Variants in DYNC2H1 observed in about 807,000 individuals in gnomAD.
DYNC2H1 encodes the protein cytoplasmic dynein 2 heavy chain 1.
A neutral mutation model predicts 570.0 loss-of-function variants in DYNC2H1; 410 were observed. The ratio of observed to expected loss-of-function variants is 0.72; its 90% CI spans 0.66 to 0.78. DYNC2H1 has a LOEUF of 0.78. Ranked by LOEUF, DYNC2H1 falls within the 30% of genes least tolerant of loss-of-function variation. DYNC2H1 has a pLI of 0.00. For missense variants in DYNC2H1, 4,865 were observed against 5,046.4 expected (o/e 0.96, Z 1.09); for synonymous variants, 1,688 against 1,677.6 (o/e 1.01, Z -0.15).
chr11:103,407,690 CGAT>C (rs1012585075), intron 84 of DYNC2H1: 2 of 151,752 alleles, frequency 1.3e-5, no homozygotes, highest in Non-Finnish European at 2.9e-5. Context: ...GCATTTATTA[CGAT>C]AATATTCATA....
At chr11:103,134,258 C>T (rs977633283) in intron 14 of DYNC2H1, 63 bp from the exon 15 acceptor site, 2 of 1,450,502 alleles carry the variant, frequency 1.4e-6, no homozygotes, top group Admixed American at 1.7e-5. Context: ...TCAGGTTTCT[C>T]CACTGAAAAG....
chr11:103,316,496 T>G, intron 79 of DYNC2H1, 49 bp from the exon 80 acceptor site: 3 of 1,298,994 alleles, frequency 2.3e-6, no homozygotes, highest in Non-Finnish European at 3.2e-6. Context: ...TACATATATA[T>G]CTTTGACTAC....
rs544984483 is a variant in DYNC2H1 at position 103,241,274 on chromosome 11, T to G, written c.9820-2419T>G. 1.6e-4 allele frequency among the ~76,000 whole-genome samples: 24 copies of G among 152,308 alleles called. No homozygotes were observed. The highest frequency in any genetic ancestry group is 5.1e-4 in the African/African-American group (21 of 41,572). ...TAGTTGTTATCCAACATATAGTAGA[T>G]GAAGTAACGAACAAATGAGTAAATA... On this transcript the variant is annotated intron_variant, in intron 63 of 88. Coordinates refer to ENST00000375735, the MANE Select transcript of DYNC2H1 (RefSeq NM_001377.3). The surrounding 1 kb of genome is among the most constrained non-coding windows in gnomAD (Gnocchi z 5.1).
chr11:103,197,502 C>T (rs1047292828), intron 47 of DYNC2H1, among the ~76,000 whole-genome samples: 2 of 152,094 alleles, frequency 1.3e-5, no homozygotes, highest in Non-Finnish European at 2.9e-5. Context: ...GGCTGGAGTG[C>T]GGTGGTGCAA....
intron 21 of DYNC2H1, 134 bp downstream of exon 21, chr11:103,152,419 T>G (rs1860607048): frequency 1.3e-6 from 1 of 761,328 alleles, no homozygotes; most frequent in Non-Finnish European, 2.0e-6. Context: ...CCCTGACTAC[T>G]TTTATAGTGA....
intron 47 of DYNC2H1, among the ~76,000 whole-genome samples, chr11:103,197,615 T>C (rs1297611981): frequency 6.6e-6 from 1 of 152,088 alleles, no homozygotes; most frequent in Non-Finnish European, 1.5e-5. Flanking sequence ...ACCTGGCTAA[T>C]TTTTAAATTT....
At chr11:103,284,275 T>C (rs529391686) in intron 73 of DYNC2H1, among the ~76,000 whole-genome samples, 40 of 152,344 alleles carry the variant, frequency 2.6e-4, no homozygotes, top group African/African-American at 9.1e-4. Flanking sequence ...CTATGCTATA[T>C]TCAAAATTGA....
Position 103,241,431 on chromosome 11 carries a change from C to G in DYNC2H1, c.9820-2262C>G. 1 of 1,114,808 alleles carries G rather than the reference C, an allele frequency of 9.0e-7. No homozygotes were observed. The highest frequency in any genetic ancestry group is 1.3e-6 in the Non-Finnish European group (1 of 763,732). 69.1% of individuals were successfully genotyped at this position (1,114,808 alleles called of 1,614,324 possible). A position where few individuals can be genotyped will look rare whatever the true frequency, so the allele number is the denominator to read the frequency against. ...CTGGAGACGTAAAATAAGATGACAA[C>G]AAACTTTTAAGTACCCTTTGAAAAA... On this transcript the variant is annotated intron_variant, in intron 63 of 88. Coordinates refer to ENST00000375735, the MANE Select transcript of DYNC2H1 (RefSeq NM_001377.3). The surrounding 1 kb of genome is among the most constrained non-coding windows in gnomAD (Gnocchi z 5.1).
intron 69 of DYNC2H1, among the ~76,000 whole-genome samples, chr11:103,258,638 G>A (rs1479959383): frequency 6.6e-6 from 1 of 152,178 alleles, no homozygotes; most frequent in Non-Finnish European, 1.5e-5. Flanking sequence ...CTTTTTCACA[G>A]CACTGAGTAG....
intron 70 of DYNC2H1, among the ~76,000 whole-genome samples, chr11:103,271,479 T>C (rs1865707419): frequency 6.6e-6 from 1 of 152,216 alleles, no homozygotes; most frequent in Non-Finnish European, 1.5e-5. Flanking sequence ...TTTATACTTT[T>C]CATTGAACAT....
chr11:103,151,992 T>C lies in DYNC2H1; in HGVS notation c.2947-144T>C, dbSNP rs1157754687. On this transcript the variant is annotated intron_variant, in intron 20 of 88. Coordinates refer to ENST00000375735, the MANE Select transcript of DYNC2H1 (RefSeq NM_001377.3). The surrounding 1 kb of genome is among the most constrained non-coding windows in gnomAD (Gnocchi z 4.6). ...AATTTTTTTCTGCCAAATCAGAATA[T>C]ATAGGAATTTAACAAACTGTTTAAA... 2 of 919,014 alleles carry C rather than the reference T, an allele frequency of 2.2e-6. No homozygotes were observed. The highest frequency in any genetic ancestry group is 3.1e-6 in the Non-Finnish European group (2 of 640,588). The allele number at this position is 919,014 out of a possible 1,614,324, so 56.9% of individuals were successfully genotyped here. A position where few individuals can be genotyped will look rare whatever the true frequency, so the allele number is the denominator to read the frequency against.
intron 59 of DYNC2H1, among the ~76,000 whole-genome samples, chr11:103,224,484 G>A (rs1171251161): frequency 6.6e-6 from 1 of 152,206 alleles, no homozygotes; most frequent in African/African-American, 2.4e-5. Flanking sequence ...TCCTACGTGA[G>A]TGAGAACGTA....
At chr11:103,159,082 G>A (rs1429084605) in intron 28 of DYNC2H1, 55 bp downstream of exon 28, 8 of 1,407,602 alleles carry the variant, frequency 5.7e-6, no homozygotes, top group East Asian at 2.4e-5. Context: ...TGTCTGCCAG[G>A]CCTAATATTA....
chr11:103,122,728 A>G lies in DYNC2H1; in HGVS notation c.1486-97A>G, dbSNP rs1405534968. 3 of 1,036,576 alleles carry G rather than the reference A, an allele frequency of 2.9e-6. No individual in the cohort carries two copies. The East Asian group carries it at 7.8e-5, about 27-fold the overall frequency. 64.2% of individuals were successfully genotyped at this position (1,036,576 alleles called of 1,614,324 possible). ...ACTGTTTATAGATGAAAGGTAAAAT[A>G]ATTTCTGAATCACAGATCAGAGAAG... On this transcript the variant is annotated intron_variant, in intron 10 of 88. Coordinates refer to ENST00000375735, the MANE Select transcript of DYNC2H1 (RefSeq NM_001377.3).
intron 85 of DYNC2H1, among the ~76,000 whole-genome samples, chr11:103,438,426 G>T (rs1397004769): frequency 2.6e-5 from 4 of 152,066 alleles, no homozygotes; most frequent in Non-Finnish European, 5.9e-5. Flanking sequence ...TGGGTGGGCA[G>T]GGAAAATTAG....
intron 75 of DYNC2H1, among the ~76,000 whole-genome samples, chr11:103,291,245 C>T (rs1866584335): frequency 1.3e-5 from 2 of 152,112 alleles, no homozygotes; most frequent in Non-Finnish European, 1.5e-5. Flanking sequence ...TGAGACCAGC[C>T]TGGACAACAT....
Position 103,154,816 on chromosome 11 carries a change from T to C in DYNC2H1, c.3573+7T>C. The C allele has an allele frequency of 1.3e-6, 2 of 1,531,008 alleles. No individual in the cohort carries two copies. Among genetic ancestry groups the C allele is most frequent in the Non-Finnish European group, 1.8e-6 (2 of 1,138,912 alleles). 94.8% of individuals were successfully genotyped at this position (1,531,008 alleles called of 1,614,324 possible). On this transcript the variant is annotated splice_region_variant and intron_variant, in intron 24 of 88. Coordinates refer to ENST00000375735, the MANE Select transcript of DYNC2H1 (RefSeq NM_001377.3). ...AGAGGTTGACAAATATAAAGTAAGA[T>C]TGTTTTATTATTTTGCCAATTAAAA...
chr11:103,277,410 C>G lies in DYNC2H1; in HGVS notation c.10696-2938C>G, dbSNP rs1182461164. On this transcript the variant is annotated intron_variant, in intron 70 of 88. Coordinates refer to ENST00000375735, the MANE Select transcript of DYNC2H1 (RefSeq NM_001377.3). This position sits in a 1 kb window ranked among gnomAD's most constrained non-coding sequence, Gnocchi z 4.3. ...TTAAACAATTATAAAGTTCTCTCCC[C>G]CTCCTTCATCTGCCTTTTTCAGAAG... 2.0e-5 allele frequency among the ~76,000 whole-genome samples: 3 copies of G among 151,794 alleles called. No individual in the cohort carries two copies. Among genetic ancestry groups the G allele is most frequent in the Non-Finnish European group, 4.4e-5 (3 of 67,936 alleles).
chr11:103,233,684 TG>T (rs758479579), intron 60 of DYNC2H1, among the ~76,000 whole-genome samples: 2 of 152,068 alleles, frequency 1.3e-5, no homozygotes. Flanking sequence ...ATGGTTTTGC[TG>T]ATCAGTAATA....
Sources: gnomAD v4.1 joint callset for allele counts (sites outside exome capture counted in the v4.1 genomes callset) on GRCh38, gnomAD v4.1.1 for gene constraint, Gnocchi (gnomAD v3.1) non-coding constraint, MANE v1.5 for transcripts, NCBI Gene and HGNC (gene_info 2026-07-23, HGNC 2026-07-21) for gene names.